Variants in SH3RF3 observed in about 807,000 individuals in gnomAD.
SH3RF3 encodes the protein SH3 domain containing ring finger 3.
SH3RF3 carries 29 observed loss-of-function variants against 66.3 expected under a neutral mutation model. That is an observed-to-expected ratio of 0.44 (90% CI 0.33 to 0.60). The LOEUF is 0.60. Ranked by LOEUF, SH3RF3 falls within the 20% of genes least tolerant of loss-of-function variation. The pLI, the probability that SH3RF3 is intolerant of heterozygous loss-of-function variation, is 0.04. For missense variants in SH3RF3, 1,194 were observed against 1,190.9 expected (o/e 1.00, Z -0.04); for synonymous variants, 583 against 532.0 (o/e 1.10, Z -1.32).
intron 1 of SH3RF3, among the ~76,000 whole-genome samples, chr2:109,168,463 G>A (rs1677680993): frequency 6.6e-6 from 1 of 152,168 alleles, no homozygotes; most frequent in Admixed American, 6.5e-5. Context: ...GCAGGAGGGA[G>A]AGGGCAAGAT....
chr2:109,170,811 C>T (rs1187321047), intron 1 of SH3RF3, among the ~76,000 whole-genome samples: 1 of 152,226 alleles, frequency 6.6e-6, no homozygotes, highest in Non-Finnish European at 1.5e-5. Context: ...TCCAGGTGCA[C>T]AGGGCATAGT....
At chr2:109,341,564 A>C (rs1474116832) in intron 1 of SH3RF3, among the ~76,000 whole-genome samples, 3 of 152,190 alleles carry the variant, frequency 2.0e-5, no homozygotes, top group African/African-American at 7.2e-5. Flanking sequence ...TGAGCTGTGA[A>C]TGAGATCCCA....
chr2:109,362,301 CTT>C (rs1295650122), intron 2 of SH3RF3, among the ~76,000 whole-genome samples: 1 of 152,076 alleles, frequency 6.6e-6, no homozygotes, highest in African/African-American at 2.4e-5. Flanking sequence ...TTAAATTTCT[CTT>C]GAGAGTTTTT....
intron 1 of SH3RF3, among the ~76,000 whole-genome samples, chr2:109,259,051 C>T (rs1680289873): frequency 1.3e-5 from 2 of 152,262 alleles, no homozygotes; most frequent in South Asian, 4.1e-4. Context: ...GAGCCTTGTG[C>T]TGCCAGGGCC....
At chr2:109,351,049 T>C (rs1309614455) in intron 2 of SH3RF3, among the ~76,000 whole-genome samples, 2 of 152,278 alleles carry the variant, frequency 1.3e-5, no homozygotes, top group Admixed American at 6.5e-5. Flanking sequence ...TAGTTTCTGC[T>C]TTATTTCAGA....
intron 1 of SH3RF3, among the ~76,000 whole-genome samples, chr2:109,331,836 G>GC (rs1682293922): frequency 6.6e-6 from 1 of 152,106 alleles, no homozygotes; most frequent in Admixed American, 6.5e-5. Flanking sequence ...TTTGCCAGGG[G>GC]CACCCTGTCA....
intron 1 of SH3RF3, among the ~76,000 whole-genome samples, chr2:109,318,535 G>C (rs1681941026): frequency 6.6e-6 from 1 of 152,234 alleles, no homozygotes; most frequent in African/African-American, 2.4e-5. Context: ...CGCTGTGAGA[G>C]AACTGTGGTT....
intron 1 of SH3RF3, among the ~76,000 whole-genome samples, chr2:109,316,881 A>G (rs1681898184): frequency 1.3e-5 from 2 of 152,222 alleles, no homozygotes; most frequent in Admixed American, 1.3e-4. Context: ...CCAGAACATC[A>G]TACAGTTGGA....
At chr2:109,483,095 AC>A (rs1242478144) in intron 8 of SH3RF3, among the ~76,000 whole-genome samples, 1 of 151,884 alleles carries the variant, frequency 6.6e-6, no homozygotes, top group Non-Finnish European at 1.5e-5. Context: ...ATTGTTATAA[AC>A]CCTCCTGTGC....
chr2:109,390,057 G>A (rs758053975), intron 3 of SH3RF3, among the ~76,000 whole-genome samples: 7 of 152,142 alleles, frequency 4.6e-5, no homozygotes, highest in South Asian at 4.1e-4. Flanking sequence ...AGAAATCCAC[G>A]TGCAGCACAC....
Position 109,502,922 on chromosome 2 carries a change from T to C in SH3RF3, c.*1251T>C, listed in dbSNP as rs1216190298. 1 of 152,218 alleles carries C rather than the reference T, an allele frequency of 6.6e-6. No homozygotes were observed. The highest frequency in any genetic ancestry group is 1.5e-5 in the Non-Finnish European group (1 of 68,050). 9.4% of individuals were successfully genotyped at this position (152,218 alleles called of 1,614,324 possible). On this transcript the variant is annotated 3_prime_UTR_variant, in exon 10 of 10. Transcript: ENST00000309415. ...AAATAACTGCTCCCATTTCAGGCAG[T>C]GCAAACCTTCATCTGCTGGAGACCA...
At chr2:109,141,287 C>G (rs1306820678) in intron 1 of SH3RF3, among the ~76,000 whole-genome samples, 1 of 152,214 alleles carries the variant, frequency 6.6e-6, no homozygotes, top group Non-Finnish European at 1.5e-5. Flanking sequence ...GCAACCAGTG[C>G]TCTGTCGGCT....
intron 3 of SH3RF3, among the ~76,000 whole-genome samples, chr2:109,383,662 A>G (rs1573208388): frequency 6.6e-6 from 1 of 152,270 alleles, no homozygotes; most frequent in East Asian, 1.9e-4. Flanking sequence ...GCAGAATGAG[A>G]AACAGCACTG....
chr2:109,474,595 T>C (rs1452428229), intron 8 of SH3RF3, among the ~76,000 whole-genome samples: 1 of 152,200 alleles, frequency 6.6e-6, no homozygotes, highest in Non-Finnish European at 1.5e-5. Context: ...GCTTCAGACT[T>C]ACCCAGGTTT....
intron 1 of SH3RF3, among the ~76,000 whole-genome samples, chr2:109,161,188 T>C (rs926534318): frequency 3.9e-5 from 6 of 152,104 alleles, no homozygotes; most frequent in African/African-American, 1.4e-4. Flanking sequence ...TTCGGAACAA[T>C]AGTTAAATCC....
chr2:109,216,830 C>T (rs1382837822), intron 1 of SH3RF3, among the ~76,000 whole-genome samples: 2 of 152,206 alleles, frequency 1.3e-5, no homozygotes, highest in African/African-American at 4.8e-5. Flanking sequence ...TGTAAGCAAA[C>T]AGTTCAGTGG....
Position 109,186,847 on chromosome 2 carries a change from C to G in SH3RF3, c.573+56734C>G, listed in dbSNP as rs534323047. ...AGCCTCACCTCCCCAGCTATGGGGTCAGAGTTCAGTTTCATTTTCAGTAAA... is the reference window on the plus strand; with the variant it reads ...AGCCTCACCTCCCCAGCTATGGGGTGAGAGTTCAGTTTCATTTTCAGTAAA... On this transcript the variant is annotated intron_variant, in intron 1 of 9. Coordinates refer to ENST00000309415, the MANE Select transcript of SH3RF3 (RefSeq NM_001099289.3). Among the ~76,000 whole-genome samples the G allele has an allele frequency of 2.4e-4, 36 of 152,302 alleles. No individual in the cohort carries two copies. The South Asian group carries it at 6.0e-3, about 25-fold the overall frequency.
chr2:109,295,067 C>T (rs567374651), intron 1 of SH3RF3, among the ~76,000 whole-genome samples: 14 of 152,378 alleles, frequency 9.2e-5, no homozygotes, highest in Admixed American at 9.1e-4. Flanking sequence ...CCACTGTTGT[C>T]CATGTCACAG....
At chr2:109,335,450 C>T (rs1296486787) in intron 1 of SH3RF3, among the ~76,000 whole-genome samples, 1 of 152,198 alleles carries the variant, frequency 6.6e-6, no homozygotes, top group Non-Finnish European at 1.5e-5. Context: ...TCCTCTCTGC[C>T]CCTCAGGGCT....
Sources: allele counts gnomAD v4.1 joint callset (sites outside exome capture counted in the v4.1 genomes callset), GRCh38; gene constraint gnomAD v4.1.1; transcripts MANE v1.5; gene names NCBI Gene and HGNC (gene_info 2026-07-23, HGNC 2026-07-21).